Variants in ARIH1 observed in about 807,000 individuals in gnomAD.
ARIH1 encodes the protein E3 ubiquitin-protein ligase ARIH1.
A neutral mutation model predicts 85.0 loss-of-function variants in ARIH1; 8 were observed. That is an observed-to-expected ratio of 0.09 (90% CI 0.06 to 0.17). The LOEUF is 0.17. Ranked by LOEUF, ARIH1 falls within the 10% of genes least tolerant of loss-of-function variation. The pLI is 1.00. For synonymous variants in ARIH1, 238 were observed against 253.6 expected, an observed-to-expected ratio of 0.94 and a Z score of 0.59; for missense variants, 311 against 718.1, an observed-to-expected ratio of 0.43 and a Z score of 6.48.
intron 1 of ARIH1, among the ~76,000 whole-genome samples, chr15:72,501,610 G>A (rs895754516): frequency 6.6e-6 from 1 of 152,198 alleles, no homozygotes; most frequent in African/African-American, 2.4e-5. Flanking sequence ...TTGCTTGTGT[G>A]TTTGGTGGAA....
chr15:72,528,160 G>A (rs1030437049), intron 2 of ARIH1, among the ~76,000 whole-genome samples: 9 of 152,256 alleles, frequency 5.9e-5, no homozygotes, highest in African/African-American at 1.7e-4. Context: ...TCAGTTGATA[G>A]TATGGTAGTA....
At position 72,546,232 on chromosome 15, in the gene ARIH1, T is replaced by C. The variant is rs951470726; in HGVS notation, c.588+1268T>C. 5.9e-5 allele frequency among the ~76,000 whole-genome samples: 9 copies of C among 151,836 alleles called. No homozygotes were observed. In the East Asian group the frequency reaches 1.8e-3, roughly 30 times the overall value. Reference sequence around the variant, plus strand: ...AATATTATATTTATATTGAAGGATTTTTATTGTTTATCTTAGAGTTGTATA... The same window carrying C: ...AATATTATATTTATATTGAAGGATTCTTATTGTTTATCTTAGAGTTGTATA... On this transcript the variant is annotated intron_variant, in intron 3 of 13. Transcript: ENST00000379887.
intron 8 of ARIH1, 101 bp downstream of exon 8, chr15:72,566,706 A>AT (rs11403578): frequency 0.87 from 660,529 of 760,932 alleles, 296,917 homozygotes; most frequent in Non-Finnish European, 0.93. Flanking sequence ...CTATTGATAG[A>AT]TTTTTTTTTA....
intron 2 of ARIH1, among the ~76,000 whole-genome samples, chr15:72,534,328 TA>T (rs2064071259): frequency 1.3e-5 from 2 of 152,110 alleles, no homozygotes; most frequent in African/African-American, 2.4e-5. Context: ...ATCATACGTT[TA>T]GGGGGGCTTG....
chr15:72,539,898 G>A (rs1012544604), intron 2 of ARIH1, among the ~76,000 whole-genome samples: 1 of 152,172 alleles, frequency 6.6e-6, no homozygotes, highest in African/African-American at 2.4e-5. Flanking sequence ...TTATGTCTAA[G>A]TAGTTGGAGG....
At chr15:72,482,664 G>A (rs756804302) in intron 1 of ARIH1, among the ~76,000 whole-genome samples, 13 of 151,918 alleles carry the variant, frequency 8.6e-5, no homozygotes, top group Non-Finnish European at 1.6e-4. Context: ...ATGTAGATTG[G>A]TTATCTTTTG....
rs1419429965 is a variant in ARIH1, at chr15:72,589,396, A to C, written c.*6104A>C. The C allele has an allele frequency of 6.6e-6, 1 of 152,248 alleles. No homozygotes were observed. Among genetic ancestry groups the C allele is most frequent in the Non-Finnish European group, 1.5e-5 (1 of 68,048 alleles). 9.4% of individuals were successfully genotyped at this position (152,248 alleles called of 1,614,324 possible). A position where few individuals can be genotyped will look rare whatever the true frequency, so the allele number is the denominator to read the frequency against. On this transcript the variant is annotated 3_prime_UTR_variant, in exon 14 of 14. Transcript: ENST00000379887. The stretch of plus-strand genomic sequence containing the variant: ...GCTAACTTGGGCAAAAGATAAGGAT[A>C]CAGAGCTGTCTCAGAGACTCCCAAA...
chr15:72,566,678 G>A, intron 8 of ARIH1, 73 bp downstream of exon 8: 1 of 1,305,540 alleles, frequency 7.7e-7, no homozygotes, highest in Non-Finnish European at 1.1e-6. Context: ...AATCATAGCT[G>A]ATGATTTTGT....
At chr15:72,507,454 G>C (rs1441518420) in intron 1 of ARIH1, among the ~76,000 whole-genome samples, 2 of 152,144 alleles carry the variant, frequency 1.3e-5, no homozygotes, top group Non-Finnish European at 2.9e-5. Flanking sequence ...TTTGAAAATG[G>C]TAATGCCCAG....
intron 2 of ARIH1, among the ~76,000 whole-genome samples, chr15:72,543,366 A>G (rs971770506): frequency 6.6e-6 from 1 of 152,108 alleles, no homozygotes; most frequent in African/African-American, 2.4e-5. Flanking sequence ...AAATTGTAGG[A>G]AAGCATTTGA....
At chr15:72,504,546 G>A (rs2063916833) in intron 1 of ARIH1, among the ~76,000 whole-genome samples, 1 of 152,114 alleles carries the variant, frequency 6.6e-6, no homozygotes, top group Admixed American at 6.5e-5. Context: ...CTGAAGTCAA[G>A]CTGCCCCTCT....
At chr15:72,554,402 T>C (rs914521810) in intron 3 of ARIH1, among the ~76,000 whole-genome samples, 8 of 152,328 alleles carry the variant, frequency 5.3e-5, no homozygotes, top group South Asian at 2.1e-4. Flanking sequence ...GCTTTTTTTT[T>C]CCAAATAGAG....
intron 2 of ARIH1, among the ~76,000 whole-genome samples, chr15:72,525,188 G>C (rs1287493750): frequency 6.6e-6 from 1 of 152,176 alleles, no homozygotes; most frequent in Non-Finnish European, 1.5e-5. Context: ...ACTGTGCCTG[G>C]CCAATTTAGT....
chr15:72,561,432 A>C, intron 5 of ARIH1, 51 bp from the exon 6 acceptor site: 1 of 1,339,462 alleles, frequency 7.5e-7, no homozygotes. Flanking sequence ...ATAAATGTGG[A>C]AAATACTCTT....
chr15:72,560,895 G>T (rs148813433), intron 5 of ARIH1, among the ~76,000 whole-genome samples: 2 of 152,174 alleles, frequency 1.3e-5, no homozygotes, highest in African/African-American at 4.8e-5. Context: ...TCACTACGTG[G>T]GATCCTGTGA....
rs981396934 is a variant in ARIH1, at chr15:72,589,817, G to A, written c.*6525G>A. ...TTACCAAATGCTTTGTTTCCATCTC[G>A]TTTATTTTTATTTTTTATTTTTTTA... On this transcript the variant is annotated 3_prime_UTR_variant, in exon 14 of 14. Coordinates refer to ENST00000379887, the MANE Select transcript of ARIH1 (RefSeq NM_005744.5). 2 of 152,052 alleles carry A rather than the reference G, an allele frequency of 1.3e-5. No homozygotes were observed. Among genetic ancestry groups the A allele is most frequent in the East Asian group, 3.9e-4 (2 of 5,176 alleles). 9.4% of individuals were successfully genotyped at this position (152,052 alleles called of 1,614,324 possible). A position where few individuals can be genotyped will look rare whatever the true frequency, so the allele number is the denominator to read the frequency against.
At chr15:72,485,163 C>A (rs1595848850) in intron 1 of ARIH1, among the ~76,000 whole-genome samples, 1 of 152,220 alleles carries the variant, frequency 6.6e-6, no homozygotes, top group East Asian at 1.9e-4. Flanking sequence ...CCCACGTACT[C>A]TACCGATTTT....
At chr15:72,546,369 TG>T (rs1293753970) in intron 3 of ARIH1, among the ~76,000 whole-genome samples, 6 of 152,384 alleles carry the variant, frequency 3.9e-5, no homozygotes, top group African/African-American at 1.4e-4. Context: ...GAATGATCAG[TG>T]AGTTATTTAG....
At chr15:72,516,022 G>A (rs1259477386) in intron 1 of ARIH1, among the ~76,000 whole-genome samples, 5 of 152,132 alleles carry the variant, frequency 3.3e-5, no homozygotes, top group Non-Finnish European at 4.4e-5. Flanking sequence ...TAAAAACATG[G>A]TGGTGGAAAC....
Sources: gnomAD v4.1 joint callset for allele counts (sites outside exome capture counted in the v4.1 genomes callset) on GRCh38, gnomAD v4.1.1 for gene constraint, MANE v1.5 for transcripts, NCBI Gene and HGNC (gene_info 2026-07-23, HGNC 2026-07-21) for gene names.